Variants in HIBCH observed in about 807,000 individuals in gnomAD.
HIBCH encodes 3-hydroxyisobutyryl-CoA hydrolase, mitochondrial.
HIBCH carries 50 observed loss-of-function variants against 58.2 expected under a neutral mutation model. That is an observed-to-expected ratio of 0.86 (90% CI 0.68 to 1.09). HIBCH has a LOEUF of 1.09. Among genes scored for constraint, HIBCH ranks in the 50% least tolerant of loss-of-function variants. The probability of loss-of-function intolerance (pLI) is 0.00; values close to 1 mark genes in which losing one functional copy is unlikely to be tolerated. For synonymous variants in HIBCH, 151 were observed against 146.9 expected (o/e 1.03, Z -0.20); for missense variants, 450 against 449.7 (o/e 1.00, Z -0.01).
intron 1 of HIBCH, among the ~76,000 whole-genome samples, chr2:190,317,777 A>G (rs1386441000): frequency 1.3e-5 from 2 of 152,054 alleles, no homozygotes; most frequent in Non-Finnish European, 2.9e-5. Flanking sequence ...AAGAGAGACA[A>G]AGAGTAAGGG....
Position 190,304,520 on chromosome 2 carries a change from A to G in HIBCH, c.78+6234T>C, listed in dbSNP as rs966503532. On this transcript the variant is annotated intron_variant, in intron 2 of 13. Transcript: ENST00000359678. The surrounding 1 kb of genome is among the most constrained non-coding windows in gnomAD (Gnocchi z 4.1). Reference sequence around the variant, plus strand: ...GTGAGGACAGAGGCCTCGTGACCCAATCACCTCCCAAAGGCCTTACCTTTC... The same window carrying G: ...GTGAGGACAGAGGCCTCGTGACCCAGTCACCTCCCAAAGGCCTTACCTTTC... 2.0e-5 allele frequency among the ~76,000 whole-genome samples: 3 copies of G among 152,132 alleles called. No homozygotes were observed. Among genetic ancestry groups the G allele is most frequent in the African/African-American group, 7.2e-5 (3 of 41,434 alleles).
At chr2:190,200,249 T>G (rs1690187938), downstream of HIBCH, 1 of 918,522 alleles carries the variant, frequency 1.1e-6, no homozygotes, top group Non-Finnish European at 1.7e-6. Flanking sequence ...TATCTGGATT[T>G]AAAAATGTGT....
chr2:190,224,054 C>A (rs956029356), intron 11 of HIBCH, among the ~76,000 whole-genome samples: 3 of 152,198 alleles, frequency 2.0e-5, no homozygotes, highest in East Asian at 3.8e-4. Flanking sequence ...ACACTCCCAC[C>A]CTAACACTGC....
chr2:190,193,884 C>T (rs143907641), intron 1 of HIBCH, among the ~76,000 whole-genome samples: 30 of 152,134 alleles, frequency 2.0e-4, no homozygotes, highest in African/African-American at 7.0e-4. Context: ...GCTTATATCA[C>T]TGATTTAAAC....
chr2:190,262,473 C>T (rs1028680912), intron 6 of HIBCH, among the ~76,000 whole-genome samples: 7 of 152,212 alleles, frequency 4.6e-5, no homozygotes, highest in African/African-American at 1.4e-4. Flanking sequence ...ATCCTGCCAT[C>T]AGCATCACAC....
At position 190,197,511 on chromosome 2, in the gene HIBCH, C is replaced by CTCTA. The variant is rs1326649378; in HGVS notation, c.*18-7518_*18-7515dup. On this transcript the variant is annotated intron_variant, in intron 1 of 1. Coordinates refer to the HIBCH transcript ENST00000399855. The surrounding 1 kb of genome is among the most constrained non-coding windows in gnomAD (Gnocchi z 4.0). ...TTCTGCCTCTCTTCCCAATCTTGAACTCTATCTTATAAATTCCAGCTGTTT... is the reference window on the plus strand; with the variant it reads ...TTCTGCCTCTCTTCCCAATCTTGAACTCTATCTATCTTATAAATTCCAGCTGTTT... Among the ~76,000 whole-genome samples the CTCTA allele has an allele frequency of 3.3e-5, 5 of 152,348 alleles. No individual in the cohort carries two copies. Among genetic ancestry groups the CTCTA allele is most frequent in the East Asian group, 1.9e-4 (1 of 5,180 alleles).
chr2:190,197,354 C>A lies in HIBCH; in HGVS notation c.*18-7357G>T, dbSNP rs1045763238. ...CACTCAGGCTGCAATTCCAAGGATT[C>A]TAAGTACTGTATAACTTCTGGTGTC... On this transcript the variant is annotated intron_variant, in intron 1 of 1. Coordinates refer to the HIBCH transcript ENST00000399855. The surrounding 1 kb of genome is among the most constrained non-coding windows in gnomAD (Gnocchi z 4.0). 3.3e-5 allele frequency among the ~76,000 whole-genome samples: 5 copies of A among 152,166 alleles called. No homozygotes were observed. The highest frequency in any genetic ancestry group is 1.2e-4 in the African/African-American group (5 of 41,424).
At chr2:190,223,190 A>G in intron 11 of HIBCH, among the ~76,000 whole-genome samples, 1 of 152,200 alleles carries the variant, frequency 6.6e-6, no homozygotes. Context: ...TGATGGGTGC[A>G]GCAAACCACC....
intron 9 of HIBCH, among the ~76,000 whole-genome samples, chr2:190,246,956 G>A (rs1463149177): frequency 4.6e-5 from 7 of 151,884 alleles, no homozygotes; most frequent in African/African-American, 1.7e-4. Flanking sequence ...TGTTGAGACA[G>A]GCCTATGATT....
At position 190,306,393 on chromosome 2, in the gene HIBCH, G is replaced by A. The variant is rs981164828; in HGVS notation, c.78+4361C>T. 1.6e-4 allele frequency among the ~76,000 whole-genome samples: 25 copies of A among 151,950 alleles called. No homozygotes were observed. Among genetic ancestry groups the A allele is most frequent in the African/African-American group, 4.8e-4 (20 of 41,514 alleles). ...AAAGGTCTTTTGCTGTAGACTCCAC[G>A]AAGAAGAAGGTTTTTGCTGTGAGCC... On this transcript the variant is annotated intron_variant, in intron 2 of 13. Transcript: ENST00000359678. The surrounding 1 kb of genome is among the most constrained non-coding windows in gnomAD (Gnocchi z 4.6).
intron 1 of HIBCH, 92 bp from the exon 2 acceptor site, chr2:190,310,888 C>G: frequency 1.1e-6 from 1 of 902,162 alleles, no homozygotes. Context: ...TCAGCCTCTT[C>G]TAAAAGGTAT....
rs1380603426 is a variant in HIBCH, at chr2:190,211,010, C to T, written c.1011+1946G>A. 6.6e-6 allele frequency among the ~76,000 whole-genome samples: 1 copy of T among 151,832 alleles called. No homozygotes were observed. Among genetic ancestry groups the T allele is most frequent in the Non-Finnish European group, 1.5e-5 (1 of 67,976 alleles). On this transcript the variant is annotated intron_variant, in intron 12 of 13. Coordinates refer to ENST00000359678, the MANE Select transcript of HIBCH (RefSeq NM_014362.4). The surrounding 1 kb of genome is among the most constrained non-coding windows in gnomAD (Gnocchi z 5.0). ...ATTAATCTTGTTTACAGTCTATTTC[C>T]CCATTATAAAGTAAGTTCCATGAGG...
At chr2:190,227,130 A>C (rs1344704744) in intron 11 of HIBCH, among the ~76,000 whole-genome samples, 1 of 152,132 alleles carries the variant, frequency 6.6e-6, no homozygotes, top group African/African-American at 2.4e-5. Context: ...AGTCAATCCT[A>C]AGCCAAAAGA....
chr2:190,192,238 C>T (rs1689745123), intron 1 of HIBCH, among the ~76,000 whole-genome samples: 1 of 151,970 alleles, frequency 6.6e-6, no homozygotes, highest in South Asian at 2.1e-4. Context: ...TGTTTTTGGA[C>T]ATGTCAAGTA....
At chr2:190,247,372 T>A (rs1446311776) in intron 9 of HIBCH, among the ~76,000 whole-genome samples, 1 of 152,140 alleles carries the variant, frequency 6.6e-6, no homozygotes, top group Non-Finnish European at 1.5e-5. Flanking sequence ...ACATATTTAC[T>A]CAATTCGACA....
downstream of HIBCH, chr2:190,200,949 T>TAATTCTGTATTAAGCTTTA (rs576294030): frequency 7.5e-4 from 125 of 167,186 alleles, 1 homozygote; most frequent in African/African-American, 3.0e-3. Context: ...GTTTCAGTTT[T>TAATTCTGTATTAAGCTTTA]AATTCTGTAT....
rs1311941707 is a variant in HIBCH, at chr2:190,216,726, T to G, written c.892-3651A>C. ...ATAGAGGCAAAAGAGGATGCCAGTT[T>G]GCAATCCCTGAAGTAGAGAGAGCTC... On this transcript the variant is annotated intron_variant, in intron 11 of 13. Coordinates refer to ENST00000359678, the MANE Select transcript of HIBCH (RefSeq NM_014362.4). The surrounding 1 kb of genome is among the most constrained non-coding windows in gnomAD (Gnocchi z 4.2). Among the ~76,000 whole-genome samples, 1 of 152,246 alleles carries G rather than the reference T, an allele frequency of 6.6e-6. No homozygotes were observed. The highest frequency in any genetic ancestry group is 6.5e-5 in the Admixed American group (1 of 15,294).
At chr2:190,257,769 G>A (rs1437876492) in intron 7 of HIBCH, among the ~76,000 whole-genome samples, 2 of 152,146 alleles carry the variant, frequency 1.3e-5, no homozygotes, top group African/African-American at 4.8e-5. Flanking sequence ...AGGCAAGGGT[G>A]AGACAGGACA....
chr2:190,234,166 C>T (rs1349433662), intron 11 of HIBCH, among the ~76,000 whole-genome samples: 1 of 152,104 alleles, frequency 6.6e-6, no homozygotes, highest in Non-Finnish European at 1.5e-5. Flanking sequence ...TCAAAAACAC[C>T]ACCACCACCA....
Sources: allele counts gnomAD v4.1 joint callset (sites outside exome capture counted in the v4.1 genomes callset), GRCh38; gene constraint gnomAD v4.1.1; non-coding constraint Gnocchi (gnomAD v3.1); transcripts MANE v1.5; gene names NCBI Gene and HGNC (gene_info 2026-07-23, HGNC 2026-07-21).